ZFAT: variants seen among roughly 807,000 people sequenced by gnomAD.
ZFAT encodes zinc finger protein ZFAT.
A neutral mutation model predicts 117.7 loss-of-function variants in ZFAT; 64 were observed. That is an observed-to-expected ratio of 0.54 (90% CI 0.44 to 0.67). The LOEUF is 0.67. ZFAT is among the 30% of genes least tolerant of loss of function. The pLI, the probability that ZFAT is intolerant of heterozygous loss-of-function variation, is 0.00. For synonymous variants in ZFAT, 679 were observed against 615.0 expected, an observed-to-expected ratio of 1.10 and a Z score of -1.54; for missense variants, 1,433 against 1,584.5, an observed-to-expected ratio of 0.90 and a Z score of 1.62.
In ZFAT at chr8:134,503,576, G is replaced by C. The variant is rs901859778; in HGVS notation, c.3492+6043C>G. On this transcript the variant is annotated intron_variant, in intron 15 of 15. Transcript: ENST00000377838. ...TGGCTGTGATGGTGTTTTTGGATGAGATTAACATTTAAACTGGCAGACTGA... is the reference window on the plus strand; with the variant it reads ...TGGCTGTGATGGTGTTTTTGGATGACATTAACATTTAAACTGGCAGACTGA... Among the ~76,000 whole-genome samples the C allele has an allele frequency of 8.5e-5, 13 of 152,180 alleles. 1 individual carries two copies. Among genetic ancestry groups the C allele is most frequent in the Admixed American group, 7.2e-4 (11 of 15,282 alleles).
At chr8:134,655,925 G>A (rs945807767) in intron 2 of ZFAT, among the ~76,000 whole-genome samples, 1 of 151,872 alleles carries the variant, frequency 6.6e-6, no homozygotes, top group East Asian at 1.9e-4. Flanking sequence ...GTGGTGGCGG[G>A]CACCTGTAGT....
At chr8:134,490,362 C>T (rs1445594057) in intron 15 of ZFAT, among the ~76,000 whole-genome samples, 1 of 152,244 alleles carries the variant, frequency 6.6e-6, no homozygotes, top group Non-Finnish European at 1.5e-5. Context: ...CAGCTTCAAA[C>T]CTCCCCTGGA....
At chr8:134,786,002 T>G in the ZFAT span, 1 of 152,216 alleles carries the variant, frequency 6.6e-6, no homozygotes, top group Non-Finnish European at 1.5e-5. Context: ...GGATGTATTA[T>G]TAGGTCCCCT....
chr8:134,600,040 A>G (rs961168378), intron 7 of ZFAT: 3 of 363,234 alleles, frequency 8.3e-6, no homozygotes, highest in Non-Finnish European at 1.6e-5. Flanking sequence ...TACTGTTCTC[A>G]TCACTGTACA....
chr8:134,513,197 CTTTT>C (rs763874079), intron 13 of ZFAT, among the ~76,000 whole-genome samples: 2 of 132,992 alleles, frequency 1.5e-5, no homozygotes. Context: ...GCTATTTGTG[CTTTT>C]TTTTTTTTTT....
At chr8:134,513,092 G>C (rs184707324) in intron 13 of ZFAT, among the ~76,000 whole-genome samples, 105 of 152,336 alleles carry the variant, frequency 6.9e-4, no homozygotes, top group African/African-American at 2.5e-3. Context: ...CAGCCACAGG[G>C]CAGCTGATGG....
chr8:134,780,894 C>A, the ZFAT span, among the ~76,000 whole-genome samples: 1 of 152,146 alleles, frequency 6.6e-6, no homozygotes, highest in African/African-American at 2.4e-5. Context: ...CTCAGGAAAC[C>A]AAAGTGAGTA....
At chr8:134,828,470 A>G in the ZFAT span, among the ~76,000 whole-genome samples, 28 of 152,320 alleles carry the variant, frequency 1.8e-4, no homozygotes, top group Non-Finnish European at 1.5e-5. Context: ...TTATCCTTCA[A>G]ACCCCTTCTC....
At chr8:134,803,655 A>G in the ZFAT span, among the ~76,000 whole-genome samples, 2 of 152,248 alleles carry the variant, frequency 1.3e-5, no homozygotes, top group Non-Finnish European at 2.9e-5. Flanking sequence ...GGGTAACTAC[A>G]TTATGACCAA....
At chr8:134,682,629 T>A (rs1161902318) in intron 1 of ZFAT, among the ~76,000 whole-genome samples, 1 of 152,186 alleles carries the variant, frequency 6.6e-6, no homozygotes, top group African/African-American at 2.4e-5. Context: ...CACTCCATTG[T>A]GGGTGACAGA....
chr8:134,715,234 C>G (rs137961529), upstream of ZFAT, among the ~76,000 whole-genome samples: 949 of 152,256 alleles, frequency 6.2e-3, 10 homozygotes, highest in African/African-American at 0.021. Context: ...GTCTCAAAAC[C>G]CAATTACCTC....
At chr8:134,691,455 G>C (rs1352522031) in intron 1 of ZFAT, among the ~76,000 whole-genome samples, 1 of 152,220 alleles carries the variant, frequency 6.6e-6, no homozygotes, top group Non-Finnish European at 1.5e-5. Flanking sequence ...ATGTCCCCTA[G>C]GGGGCGATAA....
chr8:134,601,316 C>T (rs151197183), intron 6 of ZFAT, among the ~76,000 whole-genome samples, 161 bp downstream of exon 6: 95 of 152,298 alleles, frequency 6.2e-4, no homozygotes, highest in East Asian at 5.6e-3. Flanking sequence ...AGACTCCAAG[C>T]GCTAACGGCC....
intron 13 of ZFAT, 142 bp downstream of exon 13, chr8:134,520,741 C>A: frequency 1.5e-6 from 1 of 651,858 alleles, no homozygotes; most frequent in Non-Finnish European, 2.6e-6. Context: ...CGCGAGACAT[C>A]ATTTGAAAAC....
At chr8:134,490,632 G>A (rs1817984936) in intron 15 of ZFAT, among the ~76,000 whole-genome samples, 1 of 152,218 alleles carries the variant, frequency 6.6e-6, no homozygotes, top group Non-Finnish European at 1.5e-5. Context: ...CTGCTGTCTG[G>A]AATTGATATA....
chr8:134,525,431 T>G (rs1330744747), intron 12 of ZFAT, among the ~76,000 whole-genome samples: 1 of 152,180 alleles, frequency 6.6e-6, no homozygotes, highest in Non-Finnish European at 1.5e-5. Context: ...TATTGCTCAT[T>G]AGGGTACTCG....
chr8:134,742,867 C>T, the ZFAT span, among the ~76,000 whole-genome samples: 1 of 152,178 alleles, frequency 6.6e-6, no homozygotes, highest in Non-Finnish European at 1.5e-5. Context: ...CTGAGCTCCC[C>T]TCCAGCAAGC....
At chr8:134,688,237 C>T (rs1833427995) in intron 1 of ZFAT, among the ~76,000 whole-genome samples, 1 of 152,208 alleles carries the variant, frequency 6.6e-6, no homozygotes, top group Non-Finnish European at 1.5e-5. Context: ...GCTAAAGCTA[C>T]CTACTGGGTC....
At chr8:134,537,543 C>T (rs996630413) in intron 11 of ZFAT, among the ~76,000 whole-genome samples, 1 of 152,074 alleles carries the variant, frequency 6.6e-6, no homozygotes, top group Non-Finnish European at 1.5e-5. Flanking sequence ...AGACGAGGGT[C>T]GATACCAGCC....
Sources: gnomAD v4.1 joint callset for allele counts (sites outside exome capture counted in the v4.1 genomes callset) on GRCh38, gnomAD v4.1.1 for gene constraint, MANE v1.5 for transcripts, NCBI Gene and HGNC (gene_info 2026-07-23, HGNC 2026-07-21) for gene names.